Variants in FAM193A observed in about 807,000 individuals in gnomAD.
FAM193A encodes the protein family with sequence similarity 193 member A, also known as protein FAM193A.
A neutral mutation model predicts 126.5 loss-of-function variants in FAM193A; 22 were observed. The observed-to-expected ratio is 0.17, with a 90% confidence interval of 0.12 to 0.25. The LOEUF (loss-of-function observed/expected upper bound fraction) is 0.25. Ranked by LOEUF, FAM193A falls within the 10% of genes least tolerant of loss-of-function variation. FAM193A has a pLI of 1.00. For synonymous variants in FAM193A, 761 were observed against 646.8 expected (o/e 1.18, Z -2.68); for missense variants, 1,675 against 1,672.8 (o/e 1.00, Z -0.02).
At chr4:2,622,771 T>C (rs1454497082) in intron 2 of FAM193A, among the ~76,000 whole-genome samples, 1 of 152,062 alleles carries the variant, frequency 6.6e-6, no homozygotes, top group Non-Finnish European at 1.5e-5. Context: ...GGGCCTTCTT[T>C]ATAAAAGGAC....
chr4:2,585,238 A>G (rs1740168858), intron 1 of FAM193A, among the ~76,000 whole-genome samples: 1 of 152,232 alleles, frequency 6.6e-6, no homozygotes, highest in Non-Finnish European at 1.5e-5. Context: ...GGAAAGATAG[A>G]TATCCAGAAA....
intron 2 of FAM193A, among the ~76,000 whole-genome samples, chr4:2,617,019 T>A (rs1169119709): frequency 6.9e-6 from 1 of 145,346 alleles, no homozygotes; most frequent in Non-Finnish European, 1.5e-5. Context: ...AATACAAACA[T>A]TAGCCGGGTG....
intron 2 of FAM193A, among the ~76,000 whole-genome samples, chr4:2,616,059 C>T (rs1207631509): frequency 1.3e-5 from 2 of 152,166 alleles, no homozygotes; most frequent in Non-Finnish European, 2.9e-5. Flanking sequence ...CCTCAGCCTC[C>T]CAAAGTGCTT....
intron 20 of FAM193A, among the ~76,000 whole-genome samples, chr4:2,718,921 G>A (rs1719822560): frequency 6.6e-6 from 1 of 152,042 alleles, no homozygotes; most frequent in South Asian, 2.1e-4. Context: ...GAAAACAATA[G>A]CTGTAAGTCT....
intron 1 of FAM193A, among the ~76,000 whole-genome samples, chr4:2,542,228 A>G (rs1372705255): frequency 6.6e-6 from 1 of 151,522 alleles, no homozygotes; most frequent in African/African-American, 2.4e-5. Context: ...GTTGGTCTAG[A>G]ACTCCTGACC....
At chr4:2,598,070 A>G (rs1331430329) in intron 2 of FAM193A, among the ~76,000 whole-genome samples, 3 of 152,126 alleles carry the variant, frequency 2.0e-5, no homozygotes, top group Non-Finnish European at 4.4e-5. Flanking sequence ...ATGCCCAGCT[A>G]ATTTTTGTAT....
At chr4:2,550,902 G>A (rs1737882144) in intron 1 of FAM193A, among the ~76,000 whole-genome samples, 1 of 151,716 alleles carries the variant, frequency 6.6e-6, no homozygotes. Flanking sequence ...CCGGGTTCAC[G>A]CCATTCTCCT....
At chr4:2,562,572 A>G (rs1194114494) in intron 1 of FAM193A, among the ~76,000 whole-genome samples, 2 of 152,142 alleles carry the variant, frequency 1.3e-5, no homozygotes, top group Non-Finnish European at 1.5e-5. Flanking sequence ...ATATTTCTAA[A>G]TAAGGCATTG....
chr4:2,649,768 G>A (rs1362056152), intron 7 of FAM193A, among the ~76,000 whole-genome samples: 2 of 152,168 alleles, frequency 1.3e-5, no homozygotes, highest in East Asian at 1.9e-4. Context: ...ACAGAGCAGG[G>A]GTCCCTAACC....
chr4:2,537,889 T>C (rs1736985435), intron 1 of FAM193A, among the ~76,000 whole-genome samples: 1 of 152,174 alleles, frequency 6.6e-6, no homozygotes, highest in Non-Finnish European at 1.5e-5. Flanking sequence ...TGAAAGGTGA[T>C]TTTTTTCAGT....
At chr4:2,655,424 CGTGT>C (rs370632720) in intron 7 of FAM193A, among the ~76,000 whole-genome samples, 2 of 149,204 alleles carry the variant, frequency 1.3e-5, no homozygotes, top group East Asian at 1.9e-4. Flanking sequence ...TGATTTAGGA[CGTGT>C]GTGTGTGTGC....
chr4:2,662,386 A>G, intron 10 of FAM193A, among the ~76,000 whole-genome samples: 1 of 152,188 alleles, frequency 6.6e-6, no homozygotes, highest in East Asian at 1.9e-4. Flanking sequence ...TTTCAGCCCT[A>G]AGTTGAAAAA....
Position 2,690,789 on chromosome 4 carries a change from T to G in FAM193A, c.2622T>G (p.Ser874Arg). The G allele has an allele frequency of 6.2e-7, 1 of 1,614,064 alleles. No individual in the cohort carries two copies. The change falls in exon 15 of 21, where the codon AGT (serine) becomes AGG (arginine). Residue 874 changes from serine (S) to arginine (R), a missense_variant. Around this residue, in one of 4 missense-constraint regions of FAM193A, gnomAD observed 1,186 missense variants for 1,109.2 expected, o/e 1.07. Transcript: ENST00000637812. Reference sequence around the variant, plus strand: ...ATGAAACACCTGCAGTCTCGGATAGTAAAGAGAAAAAGAATGCTGCAAAAA... The same window carrying G: ...ATGAAACACCTGCAGTCTCGGATAGGAAAGAGAAAAAGAATGCTGCAAAAA... Reference protein sequence around the residue: ...SSNETPAVSDSKEKKNAAKKK... With the variant: ...SSNETPAVSDRKEKKNAAKKK...
At chr4:2,612,820 G>T (rs1395906126) in intron 2 of FAM193A, among the ~76,000 whole-genome samples, 1 of 152,126 alleles carries the variant, frequency 6.6e-6, no homozygotes, top group Non-Finnish European at 1.5e-5. Flanking sequence ...CCTGATTCTT[G>T]AAGCTATTTA....
At chr4:2,606,196 G>A (rs993234959) in intron 2 of FAM193A, among the ~76,000 whole-genome samples, 21 of 151,276 alleles carry the variant, frequency 1.4e-4, no homozygotes, top group East Asian at 6.0e-4. Context: ...GATTACAGGC[G>A]TTTGCCACTG....
intron 19 of FAM193A, among the ~76,000 whole-genome samples, chr4:2,714,455 G>A (rs999780155): frequency 2.0e-5 from 3 of 151,934 alleles, no homozygotes; most frequent in Non-Finnish European, 4.4e-5. Flanking sequence ...GATTACCAAA[G>A]GTTGACTTTC....
Position 2,730,705 on chromosome 4 carries a change from G to C in FAM193A, c.4455-1070G>C, listed in dbSNP as rs536727669. Among the ~76,000 whole-genome samples the C allele has an allele frequency of 9.4e-5, 14 of 148,544 alleles. No individual in the cohort carries two copies. In the South Asian group the frequency reaches 3.0e-3, roughly 32 times the overall value. ...ACTCCGTGTCAAGAAAAAAAAAAAAGCTTCTTGGCCAGGGAAGAAGCTACA... is the reference window on the plus strand; with the variant it reads ...ACTCCGTGTCAAGAAAAAAAAAAAACCTTCTTGGCCAGGGAAGAAGCTACA... On this transcript the variant is annotated intron_variant, in intron 20 of 20. Transcript: ENST00000637812.
At chr4:2,729,160 C>T (rs963675853) in intron 20 of FAM193A, among the ~76,000 whole-genome samples, 1 of 151,848 alleles carries the variant, frequency 6.6e-6, no homozygotes, top group South Asian at 2.1e-4. Context: ...AGCAGCTTCC[C>T]GATAAGATCT....
At chr4:2,698,930 G>T (rs767136472) in intron 18 of FAM193A, among the ~76,000 whole-genome samples, 19 of 152,314 alleles carry the variant, frequency 1.2e-4, no homozygotes, top group Non-Finnish European at 2.2e-4. Context: ...GGAATTTCTA[G>T]TTCTTTACTA....
Sources: allele counts gnomAD v4.1 joint callset (sites outside exome capture counted in the v4.1 genomes callset), GRCh38; gene constraint gnomAD v4.1.1; regional missense constraint gnomAD v4.1.1; transcripts MANE v1.5; gene names NCBI Gene and HGNC (gene_info 2026-07-23, HGNC 2026-07-21).